The following AKAP12 variants were observed in gnomAD, a reference collection of about 807,000 sequenced individuals.
The protein encoded by AKAP12 is A-kinase anchor protein 12.
Under a neutral mutation model 79.9 loss-of-function variants are expected in AKAP12, and 32 were observed. The ratio of observed to expected loss-of-function variants is 0.40; its 90% CI spans 0.30 to 0.54. AKAP12 has a LOEUF of 0.54. Ranked by LOEUF, AKAP12 falls within the 20% of genes least tolerant of loss-of-function variation. The pLI is 0.48. For synonymous variants in AKAP12, 808 were observed against 857.0 expected (o/e 0.94, Z 1.00); for missense variants, 2,074 against 2,177.0 (o/e 0.95, Z 0.94).
At position 151,337,524 on chromosome 6, in the gene AKAP12, A is replaced by AAAAG. The variant is rs1554331949; in HGVS notation, c.320-11173_320-11170dup. ...GAGTTTCCGTCTCGAAAAAAAAAAA[A>AAAAG]AAAGAAAGAAAGAAAGATAACTGTA... On this transcript the variant is annotated intron_variant, in intron 3 of 4. Transcript: ENST00000402676. Among the ~76,000 whole-genome samples, 335 of 129,424 alleles carry AAAAG rather than the reference A, an allele frequency of 2.6e-3. 3 individuals are homozygous for AAAAG. Among genetic ancestry groups the AAAAG allele is most frequent in the Middle Eastern group, 0.013 (3 of 234 alleles). 84.9% of individuals were successfully genotyped at this position (129,424 alleles called of 152,430 possible). A position where few individuals can be genotyped will look rare whatever the true frequency, so the allele number is the denominator to read the frequency against.
intron 3 of AKAP12, among the ~76,000 whole-genome samples, chr6:151,340,348 A>G (rs1026845400): frequency 4.6e-5 from 7 of 151,928 alleles, no homozygotes; most frequent in African/African-American, 1.7e-4. Context: ...GCAATTATGC[A>G]TAAAGTTGCT....
chr6:151,325,789 G>A, intron 3 of AKAP12: 2 of 1,612,458 alleles, frequency 1.2e-6, no homozygotes, highest in Non-Finnish European at 1.7e-6. Flanking sequence ...TGGCAGGCAG[G>A]AGACTAGGCG....
At chr6:151,325,997 G>A (rs1239922845) in intron 3 of AKAP12, 2 of 1,456,464 alleles carry the variant, frequency 1.4e-6, no homozygotes, top group Non-Finnish European at 1.9e-6. Flanking sequence ...GAGGTCAGTG[G>A]CGGGACCGTT....
chr6:151,256,834 G>A (rs1797308443), intron 2 of AKAP12, among the ~76,000 whole-genome samples: 1 of 151,594 alleles, frequency 6.6e-6, no homozygotes, highest in Non-Finnish European at 1.5e-5. Flanking sequence ...ATTTTTAGTA[G>A]AGACGGGTTT....
intron 2 of AKAP12, among the ~76,000 whole-genome samples, chr6:151,281,887 A>T (rs891578503): frequency 3.2e-4 from 49 of 151,884 alleles, no homozygotes; most frequent in African/African-American, 1.1e-3. Context: ...TGATGTAGGG[A>T]TGAGGTCTCC....
intron 2 of AKAP12, among the ~76,000 whole-genome samples, chr6:151,293,802 ATTC>A (rs1481612669): frequency 6.6e-6 from 1 of 152,168 alleles, no homozygotes; most frequent in Non-Finnish European, 1.5e-5. Flanking sequence ...CGGATTACAT[ATTC>A]TTCTCCCCTG....
At chr6:151,278,717 G>C (rs928232143) in intron 2 of AKAP12, among the ~76,000 whole-genome samples, 3 of 151,740 alleles carry the variant, frequency 2.0e-5, no homozygotes, top group Admixed American at 6.6e-5. Context: ...ACCCAGGCTG[G>C]AGTGCAGTGG....
chr6:151,344,983 T>C (rs1473521225), intron 3 of AKAP12, among the ~76,000 whole-genome samples: 1 of 152,168 alleles, frequency 6.6e-6, no homozygotes, highest in African/African-American at 2.4e-5. Flanking sequence ...TTGGAAGGAA[T>C]GTATGGATTT....
intron 2 of AKAP12, among the ~76,000 whole-genome samples, chr6:151,276,978 T>C (rs1776301947): frequency 6.6e-6 from 1 of 152,222 alleles, no homozygotes; most frequent in African/African-American, 2.4e-5. Context: ...ACATAATCAA[T>C]TGAAGCAATT....
At chr6:151,257,339 C>G (rs1047027223) in intron 2 of AKAP12, among the ~76,000 whole-genome samples, 7 of 152,258 alleles carry the variant, frequency 4.6e-5, no homozygotes, top group African/African-American at 7.2e-5. Flanking sequence ...CTCTGTCGCC[C>G]AGGCTGGAGT....
At chr6:151,267,184 A>G (rs574521389) in intron 2 of AKAP12, among the ~76,000 whole-genome samples, 1 of 152,232 alleles carries the variant, frequency 6.6e-6, no homozygotes, top group East Asian at 1.9e-4. Context: ...ATGAGGGAGA[A>G]TATAGCTTAT....
At position 151,349,824 on chromosome 6, in the gene AKAP12, A is replaced by G; in HGVS notation, c.1433A>G (p.Gln478Arg). The stretch of plus-strand genomic sequence containing the variant: ...TGTGTTTCCGGAGAGGACCCTACAC[A>G]GGGAGCTGACCTCAGTCCTGATGAG... ...ETCVSGEDPTQGADLSPDEKV... is the reference protein window; with the variant it reads ...ETCVSGEDPTRGADLSPDEKV... The change falls in exon 4 of 5, where the codon CAG becomes CGG. Residue 478 changes from glutamine to arginine, a missense_variant. Gln to Arg is a conservative substitution (Grantham distance 43). Transcript: ENST00000402676. 6.2e-7 allele frequency: 1 copy of G among 1,614,176 alleles called. No homozygotes were observed. The highest frequency in any genetic ancestry group is 8.5e-7 in the Non-Finnish European group (1 of 1,180,026).
intron 3 of AKAP12, chr6:151,325,738 G>C: frequency 6.4e-7 from 1 of 1,554,968 alleles, no homozygotes; most frequent in Non-Finnish European, 8.7e-7. Context: ...GGAGTGTCTG[G>C]GCGCTCAGTC....
rs186920392 is a variant in AKAP12, at chr6:151,333,610, G to A, written c.320-15101G>A. On this transcript the variant is annotated intron_variant, in intron 3 of 4. Coordinates refer to ENST00000402676, the MANE Select transcript of AKAP12 (RefSeq NM_005100.4). ...TACTAAAAATTAGCTGGGCATGGTG[G>A]CGGGCGCCTGTGGTCCCAGCTACTC... is the stretch of plus-strand genomic sequence containing the variant. Among the ~76,000 whole-genome samples the A allele has an allele frequency of 2.6e-5, 4 of 152,184 alleles. No individual in the cohort carries two copies. The East Asian group carries it at 7.7e-4, about 29-fold the overall frequency.
chr6:151,244,735 C>T (rs1797038188), intron 2 of AKAP12, among the ~76,000 whole-genome samples: 1 of 152,164 alleles, frequency 6.6e-6, no homozygotes, highest in South Asian at 2.1e-4. Context: ...AGGGATGTTT[C>T]TCTGTGTGTG....
intron 3 of AKAP12, chr6:151,324,464 C>G (rs1008266049): frequency 5.1e-6 from 5 of 985,324 alleles, no homozygotes; most frequent in Non-Finnish European, 6.0e-6. Flanking sequence ...GCCAGCTCTC[C>G]TGGACTTCCA....
intron 2 of AKAP12, among the ~76,000 whole-genome samples, chr6:151,295,937 G>A (rs1776714648): frequency 6.6e-6 from 1 of 152,232 alleles, no homozygotes. Context: ...GAGTCCTTCA[G>A]ATGAACTCAG....
rs558009919 is a variant in AKAP12, at chr6:151,275,096, C to T, written c.163-30651C>T. ...TTCAGCCTGGGTGACAGAGCAAGAC[C>T]CTGTCTCAAAAAAAAAATTTTTTTT... On this transcript the variant is annotated intron_variant, in intron 2 of 4. Coordinates refer to ENST00000402676, the MANE Select transcript of AKAP12 (RefSeq NM_005100.4). Among the ~76,000 whole-genome samples, 5 of 151,996 alleles carry T rather than the reference C, an allele frequency of 3.3e-5. No individual in the cohort carries two copies. In the East Asian group the frequency reaches 9.7e-4, roughly 29 times the overall value.
At chr6:151,283,414 C>T (rs371058706) in intron 2 of AKAP12, among the ~76,000 whole-genome samples, 6 of 152,236 alleles carry the variant, frequency 3.9e-5, no homozygotes, top group East Asian at 1.9e-4. Flanking sequence ...AATTCTTTGC[C>T]TGAAAAAGAG....
Sources: gnomAD v4.1 joint callset for allele counts (sites outside exome capture counted in the v4.1 genomes callset) on GRCh38, gnomAD v4.1.1 for gene constraint, MANE v1.5 for transcripts, NCBI Gene and HGNC (gene_info 2026-07-23, HGNC 2026-07-21) for gene names.